The following IQCF2 variants were observed in gnomAD, a reference collection of about 807,000 sequenced individuals.
IQCF2 encodes the protein IQ domain-containing protein F2.
IQCF2 carries 6 observed loss-of-function variants against 7.0 expected under a neutral mutation model. The ratio of observed to expected loss-of-function variants is 0.86; its 90% confidence interval spans 0.47 to 1.70. The LOEUF (loss-of-function observed/expected upper bound fraction) is 1.70. Ranked by LOEUF, IQCF2 falls within the 40% of genes most tolerant of loss-of-function variation. IQCF2 has a pLI of 0.01. For missense variants in IQCF2, 174 were observed against 204.6 expected, an observed-to-expected ratio of 0.85 and a Z score of 0.91; for synonymous variants, 67 against 74.0, an observed-to-expected ratio of 0.91 and a Z score of 0.48.
rs1340349379 is a variant in IQCF2 at position 51,862,973 on chromosome 3, T to C, written c.112-14T>C. 9 of 1,590,062 alleles carry C rather than the reference T, an allele frequency of 5.7e-6. No homozygotes were observed. The highest frequency in any genetic ancestry group is 7.7e-6 in the Non-Finnish European group (9 of 1,167,562). The stretch of plus-strand genomic sequence containing the variant: ...CAGGAAGTTTTCTGACTGATCGCTC[T>C]TGTCTCTGCCTAGGAAAAACTTAGA... On this transcript the variant is annotated splice_polypyrimidine_tract_variant and intron_variant, in intron 2 of 2. Coordinates refer to ENST00000333127, the MANE Select transcript of IQCF2 (RefSeq NM_203424.2).
chr3:51,863,416 T>C lies in IQCF2; in HGVS notation c.*46T>C, dbSNP rs749086968. ...GTGTCTACTGTCCCTATTAAAGGTCTAACCTGGTCTGGTGTGTCTCATGGG... is the reference window on the plus strand; with the variant it reads ...GTGTCTACTGTCCCTATTAAAGGTCCAACCTGGTCTGGTGTGTCTCATGGG... On this transcript the variant is annotated 3_prime_UTR_variant, in exon 3 of 3. Coordinates refer to ENST00000333127, the MANE Select transcript of IQCF2 (RefSeq NM_203424.2). 1 of 1,563,612 alleles carries C rather than the reference T, an allele frequency of 6.4e-7. No individual in the cohort carries two copies. Among genetic ancestry groups the C allele is most frequent in the East Asian group, 2.3e-5 (1 of 44,236 alleles).
In IQCF2 at chr3:51,863,307, C is replaced by A; in HGVS notation, c.432C>A (p.Leu144=). The A allele has an allele frequency of 6.2e-7, 1 of 1,614,186 alleles. No homozygotes were observed. Among genetic ancestry groups the A allele is most frequent in the South Asian group, 1.1e-5 (1 of 91,086 alleles). The change falls in exon 3 of 3, where the codon CTC becomes CTA. Residue 144 remains leucine, a synonymous_variant. Transcript: ENST00000333127. ...QCHNCQTCAL[L]QGHCVVTATH... ...ACAACTGCCAGACCTGCGCTCTCCT[C>A]CAGGGCCACTGTGTGGTCACAGCCA...
rs1176223803 is a variant in IQCF2 at position 51,863,406 on chromosome 3, A to G, written c.*36A>G. 1.3e-6 allele frequency: 2 copies of G among 1,590,406 alleles called. No homozygotes were observed. Among genetic ancestry groups the G allele is most frequent in the East Asian group, 2.2e-5 (1 of 44,542 alleles). On this transcript the variant is annotated 3_prime_UTR_variant, in exon 3 of 3. Transcript: ENST00000333127. ...GAAGGGCACTGTGTCTACTGTCCCT[A>G]TTAAAGGTCTAACCTGGTCTGGTGT...
rs1299518844 is a variant in IQCF2, at chr3:51,861,840, A to G, written c.19-18A>G. On this transcript the variant is annotated intron_variant, in intron 1 of 2. Transcript: ENST00000333127. ...GTCTTAACTCATTTATGTACTTCCCATTTAATTCTGATGACAGACCAAAGG... is the reference window on the plus strand; with the variant it reads ...GTCTTAACTCATTTATGTACTTCCCGTTTAATTCTGATGACAGACCAAAGG... 1.2e-6 allele frequency: 2 copies of G among 1,604,208 alleles called. No individual in the cohort carries two copies. The highest frequency in any genetic ancestry group is 2.2e-5 in the South Asian group (2 of 90,802).
At chr3:51,861,763 G>C in intron 1 of IQCF2, 79 bp downstream of exon 1, 1 of 1,584,798 alleles carries the variant, frequency 6.3e-7, no homozygotes, top group South Asian at 1.1e-5. Context: ...CTTGAGAAAA[G>C]AGAGGATGTT....
At chr3:51,861,773 T>A in intron 1 of IQCF2, 85 bp from the exon 2 acceptor site, 1 of 1,573,128 alleles carries the variant, frequency 6.4e-7, no homozygotes, top group Non-Finnish European at 8.8e-7. Flanking sequence ...GAGAGGATGT[T>A]AAAGTAGTAA....
intron 2 of IQCF2, among the ~76,000 whole-genome samples, chr3:51,862,402 C>CA (rs3058059): frequency 0.18 from 16,967 of 93,138 alleles, 2,189 homozygotes; most frequent in African/African-American, 0.25. Flanking sequence ...GACTCCTTCT[C>CA]AAAAAAAAAA....
intron 2 of IQCF2, among the ~76,000 whole-genome samples, chr3:51,862,696 C>A (rs2107211703): frequency 6.6e-6 from 1 of 152,272 alleles, no homozygotes; most frequent in East Asian, 1.9e-4. Flanking sequence ...CTAACAAGGT[C>A]CCACACATCC....
chr3:51,861,946 T>C lies in IQCF2; in HGVS notation c.107T>C (p.Ile36Thr), dbSNP rs1313836458. The C allele has an allele frequency of 1.9e-6, 3 of 1,608,994 alleles. No individual in the cohort carries two copies. The highest frequency in any genetic ancestry group is 2.6e-6 in the Non-Finnish European group (3 of 1,175,718). Residue 36 changes from isoleucine (I) to threonine (T), a missense_variant, in exon 2 of 3, where the codon ATC (isoleucine) becomes ACC (threonine). Coordinates refer to ENST00000333127, the MANE Select transcript of IQCF2 (RefSeq NM_203424.2). Reference protein sequence around the residue: ...KTLQKKKQQKIKEKLRIRTKA... With the variant: ...KTLQKKKQQKTKEKLRIRTKA... ...TTGCAGAAGAAGAAACAGCAGAAAA[T>C]CAAGGTGAGAAGAATTCCATGTACT... is the stretch of plus-strand genomic sequence containing the variant.
intron 2 of IQCF2, among the ~76,000 whole-genome samples, 184 bp downstream of exon 2, chr3:51,862,134 G>A (rs1698644234): frequency 6.6e-6 from 1 of 152,144 alleles, no homozygotes; most frequent in South Asian, 2.1e-4. Flanking sequence ...GATATTGAGA[G>A]TGATTGGAAA....
chr3:51,862,004 A>T, intron 2 of IQCF2, 54 bp downstream of exon 2: 5 of 1,319,382 alleles, frequency 3.8e-6, no homozygotes, highest in Non-Finnish European at 5.4e-6. Context: ...TAACTACATC[A>T]TAAGGTGTAG....
At chr3:51,862,174 CA>C (rs1406816647) in intron 2 of IQCF2, among the ~76,000 whole-genome samples, 1 of 151,976 alleles carries the variant, frequency 6.6e-6, no homozygotes. Context: ...CCGAGACAGG[CA>C]GATCATGAGG....
Position 51,861,918 on chromosome 3 carries a change from A to T in IQCF2, c.79A>T (p.Thr27Ser). 1.2e-6 allele frequency: 2 copies of T among 1,613,910 alleles called. No homozygotes were observed. The highest frequency in any genetic ancestry group is 1.7e-6 in the Non-Finnish European group (2 of 1,179,782). Reference protein sequence around the residue: ...EDVEESIEWKTLQKKKQQKIK... With the variant: ...EDVEESIEWKSLQKKKQQKIK... ...TGTTGAAGAAAGCATTGAATGGAAG[A>T]CATTGCAGAAGAAGAAACAGCAGAA... is the stretch of plus-strand genomic sequence containing the variant. The change falls in exon 2 of 3, where the codon ACA becomes TCA. Residue 27 changes from threonine (T) to serine (S), a missense_variant. Coordinates refer to ENST00000333127, the MANE Select transcript of IQCF2 (RefSeq NM_203424.2).
Position 51,863,313 on chromosome 3 carries a change from C to T in IQCF2, c.438C>T (p.Gly146=). ...GCCAGACCTGCGCTCTCCTCCAGGG[C>T]CACTGTGTGGTCACAGCCACTCACC... The part of the protein sequence containing the change: ...HNCQTCALLQ[G]HCVVTATHLQ... The change falls in exon 3 of 3, where the codon GGC becomes GGT. Residue 146 remains glycine, a synonymous_variant. Transcript: ENST00000333127. 1 of 1,614,162 alleles carries T rather than the reference C, an allele frequency of 6.2e-7. No homozygotes were observed. The highest frequency in any genetic ancestry group is 8.5e-7 in the Non-Finnish European group (1 of 1,180,032).
At position 51,862,979 on chromosome 3, in the gene IQCF2, C is replaced by A; in HGVS notation, c.112-8C>A. ...GTTTTCTGACTGATCGCTCTTGTCT[C>A]TGCCTAGGAAAAACTTAGAATAAGA... On this transcript the variant is annotated splice_polypyrimidine_tract_variant and splice_region_variant and intron_variant, in intron 2 of 2. Coordinates refer to ENST00000333127, the MANE Select transcript of IQCF2 (RefSeq NM_203424.2). The A allele has an allele frequency of 1.9e-6, 3 of 1,594,788 alleles. No individual in the cohort carries two copies. Among genetic ancestry groups the A allele is most frequent in the South Asian group, 2.2e-5 (2 of 90,454 alleles).
At position 51,863,078 on chromosome 3, in the gene IQCF2, T is replaced by G. The variant is rs1698655007; in HGVS notation, c.203T>G (p.Leu68Arg). Residue 68 changes from leucine to arginine, a missense_variant, in exon 3 of 3, where the codon CTC becomes CGC. Leu to Arg is a moderately radical substitution (Grantham distance 102). Transcript: ENST00000333127. ...LVRRTLLHAA[L>R]RAWIIQCWWR... ...CGCAGGACACTGCTGCATGCAGCCC[T>G]CAGGGCCTGGATAATTCAGTGCTGG... 6.2e-7 allele frequency: 1 copy of G among 1,614,228 alleles called. No individual in the cohort carries two copies.
chr3:51,862,370 T>C (rs1577619977), intron 2 of IQCF2, among the ~76,000 whole-genome samples: 1 of 121,376 alleles, frequency 8.2e-6, no homozygotes, highest in East Asian at 2.6e-4. Context: ...GCCACTGCAC[T>C]CCAGCCTGGG....
rs1373430429 is a variant in IQCF2, at chr3:51,861,844, A to G, written c.19-14A>G. 4 of 1,606,596 alleles carry G rather than the reference A, an allele frequency of 2.5e-6. No homozygotes were observed. The South Asian group carries it at 3.3e-5, about 13-fold the overall frequency. ...TAACTCATTTATGTACTTCCCATTT[A>G]ATTCTGATGACAGACCAAAGGCAAT... is the stretch of plus-strand genomic sequence containing the variant. On this transcript the variant is annotated splice_polypyrimidine_tract_variant and intron_variant, in intron 1 of 2. Coordinates refer to ENST00000333127, the MANE Select transcript of IQCF2 (RefSeq NM_203424.2).
Sources: gnomAD v4.1 joint callset for allele counts (sites outside exome capture counted in the v4.1 genomes callset) on GRCh38, gnomAD v4.1.1 for gene constraint, MANE v1.5 for transcripts, NCBI Gene and HGNC (gene_info 2026-07-23, HGNC 2026-07-21) for gene names.